The following MICU1 variants were observed in gnomAD, a reference collection of about 807,000 sequenced individuals.
MICU1 encodes the protein calcium uptake protein 1, mitochondrial.
Under a neutral mutation model 56.8 loss-of-function variants are expected in MICU1, and 45 were observed. The ratio of observed to expected loss-of-function variants is 0.79; its 90% CI spans 0.62 to 1.02. The LOEUF is 1.02. Among genes scored for constraint, MICU1 ranks in the 50% least tolerant of loss-of-function variants. MICU1 has a pLI of 0.00. For missense variants in MICU1, 504 were observed against 587.1 expected (o/e 0.86, Z 1.46); for synonymous variants, 186 against 195.1 (o/e 0.95, Z 0.39).
Position 72,373,681 on chromosome 10 carries a change from G to C in MICU1, c.1270+2102C>G, listed in dbSNP as rs958942189. 7.2e-5 allele frequency among the ~76,000 whole-genome samples: 11 copies of C among 152,230 alleles called. No homozygotes were observed. The South Asian group carries it at 2.3e-3, about 32-fold the overall frequency. ...ATTTTCCAGGACTTCTAGGGAAAAG[G>C]GGGGACTTGAGAAGCTAGTTGCATT... On this transcript the variant is annotated intron_variant, in intron 11 of 11. Coordinates refer to ENST00000361114, the MANE Select transcript of MICU1 (RefSeq NM_001195518.2).
chr10:72,481,009 A>G (rs1007465678), intron 6 of MICU1, among the ~76,000 whole-genome samples: 3 of 152,228 alleles, frequency 2.0e-5, no homozygotes, highest in Non-Finnish European at 4.4e-5. Context: ...TGCTTGTTAA[A>G]GTACATGCGC....
At chr10:72,479,926 CTA>C (rs2132278297) in intron 6 of MICU1, among the ~76,000 whole-genome samples, 1 of 152,268 alleles carries the variant, frequency 6.6e-6, no homozygotes, top group South Asian at 2.1e-4. Flanking sequence ...CACTTCACTC[CTA>C]TATGTTATTT....
At chr10:72,408,358 G>C (rs1863697750) in intron 9 of MICU1, among the ~76,000 whole-genome samples, 1 of 152,080 alleles carries the variant, frequency 6.6e-6, no homozygotes, top group South Asian at 2.1e-4. Context: ...ACCCAAGCTG[G>C]AGCGTAATGG....
chr10:72,408,111 C>G, intron 9 of MICU1, 74 bp from the exon 10 acceptor site: 2 of 841,138 alleles, frequency 2.4e-6, no homozygotes, highest in Non-Finnish European at 3.9e-6. Flanking sequence ...GGCAGTGATT[C>G]ACATCTGCAA....
At chr10:72,538,830 C>T (rs139605069) in intron 4 of MICU1, among the ~76,000 whole-genome samples, 1 of 151,664 alleles carries the variant, frequency 6.6e-6, no homozygotes, top group Admixed American at 6.6e-5. Flanking sequence ...TTAAAAAGAC[C>T]CAACTATATG....
At chr10:72,441,563 A>G (rs1040022924) in intron 8 of MICU1, among the ~76,000 whole-genome samples, 9 of 150,386 alleles carry the variant, frequency 6.0e-5, no homozygotes, top group East Asian at 3.9e-4. Context: ...AAAAAAAAAA[A>G]AAAGAAATAA....
At chr10:72,388,558 G>C (rs1164998385) in intron 10 of MICU1, among the ~76,000 whole-genome samples, 1 of 152,090 alleles carries the variant, frequency 6.6e-6, no homozygotes, top group African/African-American at 2.4e-5. Context: ...ACCTATACCT[G>C]AACAGAACAG....
At chr10:72,569,233 A>ATTTTTTTTTTTTTTT (rs1231227018) in intron 1 of MICU1, among the ~76,000 whole-genome samples, 27 of 40,326 alleles carry the variant, frequency 6.7e-4, no homozygotes, top group African/African-American at 2.2e-3. Context: ...ATATATATAT[A>ATTTTTTTTTTTTTTT]TATATTTTTT....
At chr10:72,487,625 T>G (rs1197224999) in intron 6 of MICU1, among the ~76,000 whole-genome samples, 1 of 152,164 alleles carries the variant, frequency 6.6e-6, no homozygotes, top group African/African-American at 2.4e-5. Flanking sequence ...AAGGAGATGT[T>G]ATCTCTTCTG....
intron 8 of MICU1, among the ~76,000 whole-genome samples, chr10:72,471,930 T>TTG (rs58543867): frequency 0.05 from 7,469 of 150,356 alleles, 594 homozygotes; most frequent in African/African-American, 0.17. Context: ...CACTATGCCT[T>TTG]TGTGTGTGTG....
chr10:72,402,057 T>C (rs1589175418), intron 10 of MICU1, among the ~76,000 whole-genome samples: 1 of 151,996 alleles, frequency 6.6e-6, no homozygotes, highest in East Asian at 1.9e-4. Context: ...GACAGGACCA[T>C]CTGGCAATGA....
intron 1 of MICU1, among the ~76,000 whole-genome samples, chr10:72,623,366 G>A (rs1473660352): frequency 2.3e-5 from 2 of 87,090 alleles, no homozygotes; most frequent in African/African-American, 1.0e-4. Flanking sequence ...GAAAGAAAGG[G>A]AGAAGAAAGA....
Position 72,553,066 on chromosome 10 carries a change from T to G in MICU1, c.331-1725A>C, listed in dbSNP as rs138090236. 2.0e-3 allele frequency among the ~76,000 whole-genome samples: 312 copies of G among 152,224 alleles called. 1 individual carries two copies. Among genetic ancestry groups the G allele is most frequent in the African/African-American group, 7.0e-3 (291 of 41,538 alleles). On this transcript the variant is annotated intron_variant, in intron 3 of 11. Transcript: ENST00000361114. Reference sequence around the variant, plus strand: ...ATGCTAACTTGTAATACAATCTGAATAGATTTCACAGGAGACTTTATCAAA... The same window carrying G: ...ATGCTAACTTGTAATACAATCTGAAGAGATTTCACAGGAGACTTTATCAAA...
At chr10:72,480,791 C>T (rs1866271060) in intron 6 of MICU1, among the ~76,000 whole-genome samples, 2 of 152,188 alleles carry the variant, frequency 1.3e-5, no homozygotes, top group Admixed American at 1.3e-4. Flanking sequence ...GTCTTACTGT[C>T]TTGTGAGTTC....
At chr10:72,423,587 C>G (rs970025136) in intron 8 of MICU1, among the ~76,000 whole-genome samples, 4 of 152,090 alleles carry the variant, frequency 2.6e-5, no homozygotes, top group African/African-American at 9.7e-5. Flanking sequence ...GACAGTCAAG[C>G]CAGAGCAACA....
intron 1 of MICU1, among the ~76,000 whole-genome samples, chr10:72,573,807 A>C (rs1375124092): frequency 1.3e-5 from 2 of 152,170 alleles, no homozygotes; most frequent in Admixed American, 1.3e-4. Context: ...GTCACTTACC[A>C]GCCCCACCAC....
chr10:72,396,541 A>G (rs1215809025), intron 10 of MICU1, among the ~76,000 whole-genome samples: 1 of 152,220 alleles, frequency 6.6e-6, no homozygotes, highest in Non-Finnish European at 1.5e-5. Flanking sequence ...CCTTGAAAAA[A>G]GATTAGACGA....
At chr10:72,600,341 G>C (rs1447465653) in intron 1 of MICU1, among the ~76,000 whole-genome samples, 1 of 147,746 alleles carries the variant, frequency 6.8e-6, no homozygotes, top group Non-Finnish European at 1.5e-5. Flanking sequence ...TTCTTTCTGT[G>C]GAATTGTGAG....
chr10:72,452,995 G>A (rs1285818277), intron 8 of MICU1, among the ~76,000 whole-genome samples: 2 of 152,180 alleles, frequency 1.3e-5, no homozygotes, highest in Non-Finnish European at 2.9e-5. Context: ...GTCCCATTAT[G>A]CCAGTTTGAA....
Sources: gnomAD v4.1 joint callset for allele counts (sites outside exome capture counted in the v4.1 genomes callset) on GRCh38, gnomAD v4.1.1 for gene constraint, MANE v1.5 for transcripts, NCBI Gene and HGNC (gene_info 2026-07-23, HGNC 2026-07-21) for gene names.